The following NCAM1 variants were observed in gnomAD, a reference collection of about 807,000 sequenced individuals.
NCAM1 encodes neural cell adhesion molecule 1.
A neutral mutation model predicts 109.8 loss-of-function variants in NCAM1; 14 were observed. The ratio of observed to expected loss-of-function variants is 0.13; its 90% CI spans 0.08 to 0.20. The LOEUF (loss-of-function observed/expected upper bound fraction) is 0.20. Among genes scored for constraint, NCAM1 ranks in the 10% least tolerant of loss-of-function variants. The probability of loss-of-function intolerance (pLI) is 1.00; values close to 1 mark genes in which losing one functional copy is unlikely to be tolerated. For missense variants in NCAM1, 774 were observed against 1,109.9 expected, an observed-to-expected ratio of 0.70 and a Z score of 4.30; for synonymous variants, 418 against 442.9, an observed-to-expected ratio of 0.94 and a Z score of 0.70.
chr11:113,049,539 GT>G (rs1351639186), intron 1 of NCAM1, among the ~76,000 whole-genome samples: 1 of 152,154 alleles, frequency 6.6e-6, no homozygotes, highest in Non-Finnish European at 1.5e-5. Context: ...TTGAGCCAGG[GT>G]GATGATTCTT....
At position 113,266,416 on chromosome 11, in the gene NCAM1, C is replaced by A. The variant is rs78517275; in HGVS notation, c.2132-3772C>A. On this transcript the variant is annotated intron_variant, in intron 17 of 19. Coordinates refer to ENST00000316851, the MANE Select transcript of NCAM1 (RefSeq NM_181351.5). ...ATGGTCGCTTTTCCTTTGGGGCATA[C>A]TCTTTGTTTTCTCTTGATCCACTCA... Among the ~76,000 whole-genome samples the A allele has an allele frequency of 3.1e-3, 474 of 152,154 alleles. 5 individuals are homozygous for A. Among genetic ancestry groups the A allele is most frequent in the African/African-American group, 0.011 (449 of 41,542 alleles).
intron 1 of NCAM1, among the ~76,000 whole-genome samples, chr11:113,101,864 C>T (rs1411476481): frequency 1.3e-5 from 2 of 152,094 alleles, no homozygotes; most frequent in African/African-American, 4.8e-5. Context: ...TGTGCTTCCC[C>T]AATGATGTGT....
intron 2 of NCAM1, among the ~76,000 whole-genome samples, chr11:113,203,712 C>A (rs1436673979): frequency 6.6e-6 from 1 of 152,258 alleles, no homozygotes; most frequent in East Asian, 1.9e-4. Flanking sequence ...CAGGGAGTGA[C>A]GAAATGACAG....
chr11:112,978,240 C>A (rs1174938430), intron 1 of NCAM1, among the ~76,000 whole-genome samples: 2 of 114,700 alleles, frequency 1.7e-5, no homozygotes, highest in African/African-American at 5.8e-5. Flanking sequence ...ACCAAAAAAT[C>A]TAAATTGGTG....
Position 113,161,966 on chromosome 11 carries a change from C to A in NCAM1, c.53-40413C>A, listed in dbSNP as rs188728300. On this transcript the variant is annotated intron_variant, in intron 1 of 19. Coordinates refer to ENST00000316851, the MANE Select transcript of NCAM1 (RefSeq NM_181351.5). ...GGCTTGGATCGCTTCCTGCAAACAA[C>A]GTGAAATCTTGCATGTGTGCCAGGT... Among the ~76,000 whole-genome samples the A allele has an allele frequency of 5.4e-4, 82 of 152,234 alleles. 1 individual carries two copies. Among genetic ancestry groups the A allele is most frequent in the Middle Eastern group, 3.4e-3 (1 of 294 alleles).
chr11:113,115,583 T>C (rs1168320182), intron 1 of NCAM1, among the ~76,000 whole-genome samples: 1 of 152,204 alleles, frequency 6.6e-6, no homozygotes, highest in Non-Finnish European at 1.5e-5. Flanking sequence ...ACAAATGGAT[T>C]CTACCATTAG....
chr11:113,076,232 G>A (rs1555086101), intron 1 of NCAM1, among the ~76,000 whole-genome samples: 1 of 152,178 alleles, frequency 6.6e-6, no homozygotes, highest in Non-Finnish European at 1.5e-5. Context: ...TCAGGAGAAA[G>A]AGGGACCCTT....
intron 1 of NCAM1, among the ~76,000 whole-genome samples, chr11:113,140,965 C>T (rs1941796715): frequency 1.3e-5 from 2 of 152,096 alleles, no homozygotes; most frequent in African/African-American, 4.8e-5. Flanking sequence ...GTAGGACGAA[C>T]ATAGTGCTCG....
chr11:113,231,518 G>C, intron 9 of NCAM1, 127 bp from the exon 10 acceptor site: 2 of 1,017,984 alleles, frequency 2.0e-6, no homozygotes, highest in Non-Finnish European at 2.9e-6. Flanking sequence ...ACAGAGAGGA[G>C]AGAGGAAGTG....
chr11:113,199,490 C>T (rs2136846980), intron 1 of NCAM1, among the ~76,000 whole-genome samples: 1 of 152,160 alleles, frequency 6.6e-6, no homozygotes. Flanking sequence ...TGGGGTTCCT[C>T]TGGGCCAGCT....
chr11:113,072,772 A>T (rs1461609300), intron 1 of NCAM1, among the ~76,000 whole-genome samples: 1 of 150,702 alleles, frequency 6.6e-6, no homozygotes. Context: ...ACTTTCTTAC[A>T]TAGATTTTAG....
chr11:113,259,050 ATTTTTTTTT>A (rs558552786), intron 16 of NCAM1, among the ~76,000 whole-genome samples: 2 of 134,076 alleles, frequency 1.5e-5, no homozygotes, highest in African/African-American at 5.5e-5. Context: ...AATAGTTTTC[ATTTTTTTTT>A]TTTTTTTTTT....
At chr11:113,204,255 A>G in intron 2 of NCAM1, 31 bp from the exon 3 acceptor site, 1 of 1,563,580 alleles carries the variant, frequency 6.4e-7, no homozygotes, top group Non-Finnish European at 8.7e-7. Context: ...TTTCGACTTC[A>G]GTAGCTTAAA....
chr11:113,080,011 T>C (rs1938717330), intron 1 of NCAM1, among the ~76,000 whole-genome samples: 1 of 152,318 alleles, frequency 6.6e-6, no homozygotes, highest in Admixed American at 6.5e-5. Flanking sequence ...AGCTACAAAG[T>C]CTTCCAGGAT....
chr11:113,068,768 T>G (rs186798774), intron 1 of NCAM1, among the ~76,000 whole-genome samples: 468 of 152,036 alleles, frequency 3.1e-3, no homozygotes, highest in African/African-American at 0.011. Context: ...ATATGTGGGG[T>G]TTTGATGATT....
intron 1 of NCAM1, among the ~76,000 whole-genome samples, chr11:112,985,229 G>C (rs1457633677): frequency 2.0e-5 from 3 of 148,240 alleles, no homozygotes; most frequent in African/African-American, 7.4e-5. Context: ...TGGATTCTCT[G>C]TCCTATTCCA....
At chr11:113,260,392 C>T (rs782527964) in intron 17 of NCAM1, 69 bp downstream of exon 17, 29 of 1,495,674 alleles carry the variant, frequency 1.9e-5, no homozygotes, top group East Asian at 4.5e-5. Context: ...CCTCCTAATG[C>T]GCCTGAACAA....
rs561698987 is a variant in NCAM1 at position 113,150,242 on chromosome 11, C to A, written c.53-52137C>A. Among the ~76,000 whole-genome samples the A allele has an allele frequency of 7.2e-5, 11 of 152,192 alleles. No homozygotes were observed. In the South Asian group the frequency reaches 2.3e-3, roughly 32 times the overall value. Reference sequence around the variant, plus strand: ...TTGTAAAGAATATTAATTAATATATCAAGCAATGTAAATGTTCTTTTTGAA... The same window carrying A: ...TTGTAAAGAATATTAATTAATATATAAAGCAATGTAAATGTTCTTTTTGAA... On this transcript the variant is annotated intron_variant, in intron 1 of 19. Coordinates refer to ENST00000316851, the MANE Select transcript of NCAM1 (RefSeq NM_181351.5).
intron 1 of NCAM1, among the ~76,000 whole-genome samples, chr11:113,165,057 TCA>T (rs1942741198): frequency 6.6e-6 from 1 of 152,106 alleles, no homozygotes; most frequent in Non-Finnish European, 1.5e-5. Context: ...TGTCACGATA[TCA>T]CAGGGACCCA....
Sources: gnomAD v4.1 joint callset for allele counts (sites outside exome capture counted in the v4.1 genomes callset) on GRCh38, gnomAD v4.1.1 for gene constraint, MANE v1.5 for transcripts, NCBI Gene and HGNC (gene_info 2026-07-23, HGNC 2026-07-21) for gene names.